The following TMTC1 variants were observed in gnomAD, a reference collection of about 807,000 sequenced individuals.
TMTC1 encodes the protein protein O-mannosyl-transferase TMTC1.
TMTC1 carries 73 observed loss-of-function variants against 104.8 expected under a neutral mutation model. That is an observed-to-expected ratio of 0.70 (90% CI 0.58 to 0.85). The LOEUF is 0.85. TMTC1 is among the 40% of genes least tolerant of loss of function. The probability of loss-of-function intolerance (pLI) is 0.00; values close to 1 mark genes in which losing one functional copy is unlikely to be tolerated. For missense variants in TMTC1, 1,035 were observed against 1,096.1 expected (o/e 0.94, Z 0.79); for synonymous variants, 434 against 428.7 (o/e 1.01, Z -0.15).
intron 5 of TMTC1, among the ~76,000 whole-genome samples, chr12:29,663,698 G>GTTTTTTTTTTTTTT (rs1555184031): frequency 8.5e-6 from 1 of 118,020 alleles, no homozygotes; most frequent in African/African-American, 3.2e-5. Context: ...TGTACTTTTA[G>GTTTTTTTTTTTTTT]TAGAGACAGG....
At chr12:29,770,093 C>T (rs1159573389) in intron 1 of TMTC1, among the ~76,000 whole-genome samples, 1 of 151,330 alleles carries the variant, frequency 6.6e-6, no homozygotes, top group African/African-American at 2.4e-5. Flanking sequence ...CCCATGGATC[C>T]TAAAATTTAG....
chr12:29,601,673 C>T (rs1434185949), intron 7 of TMTC1, among the ~76,000 whole-genome samples: 1 of 152,096 alleles, frequency 6.6e-6, no homozygotes, highest in Non-Finnish European at 1.5e-5. Context: ...CCAGCTATAC[C>T]GCTTGGGGCA....
At chr12:29,643,534 TAATATA>T (rs1565732865) in intron 5 of TMTC1, among the ~76,000 whole-genome samples, 32 of 87,990 alleles carry the variant, frequency 3.6e-4, no homozygotes, top group Non-Finnish European at 5.3e-4. Flanking sequence ...ATAAAATATA[TAATATA>T]TATCACATAT....
intron 5 of TMTC1, among the ~76,000 whole-genome samples, chr12:29,702,782 T>G (rs1299622506): frequency 6.6e-6 from 1 of 151,218 alleles, no homozygotes; most frequent in African/African-American, 2.4e-5. Context: ...GATTGGTTCA[T>G]TGACATAAGA....
At chr12:29,572,732 C>G (rs930132716) in intron 8 of TMTC1, among the ~76,000 whole-genome samples, 1 of 152,212 alleles carries the variant, frequency 6.6e-6, no homozygotes, top group Non-Finnish European at 1.5e-5. Flanking sequence ...AGGCTAATTA[C>G]AAACGCTTTT....
chr12:29,598,310 C>T (rs1946467004), intron 7 of TMTC1, among the ~76,000 whole-genome samples: 1 of 152,222 alleles, frequency 6.6e-6, no homozygotes, highest in African/African-American at 2.4e-5. Context: ...GTAACAGAGG[C>T]TGTGTAACTT....
At chr12:29,707,510 C>A (rs1347230413) in intron 5 of TMTC1, among the ~76,000 whole-genome samples, 1 of 152,112 alleles carries the variant, frequency 6.6e-6, no homozygotes, top group Non-Finnish European at 1.5e-5. Flanking sequence ...GTTACAATGA[C>A]CCTCAGCACC....
intron 5 of TMTC1, among the ~76,000 whole-genome samples, chr12:29,695,793 T>TTA (rs113135039): frequency 0.04 from 3,322 of 83,440 alleles, 132 homozygotes; most frequent in Non-Finnish European, 0.059. Flanking sequence ...TACTTCCTTT[T>TTA]TATATATATA....
chr12:29,777,149 C>A (rs963053430), intron 1 of TMTC1, among the ~76,000 whole-genome samples: 1 of 151,906 alleles, frequency 6.6e-6, no homozygotes, highest in Admixed American at 6.6e-5. Context: ...GGCTGGAGTG[C>A]GGTGGTGCAA....
In TMTC1 at chr12:29,506,824, G is replaced by A. The variant is rs1943703833; in HGVS notation, c.*22C>T. The A allele has an allele frequency of 1.2e-6, 2 of 1,613,720 alleles. No individual in the cohort carries two copies. Among genetic ancestry groups the A allele is most frequent in the South Asian group, 1.1e-5 (1 of 91,062 alleles). On this transcript the variant is annotated 3_prime_UTR_variant, in exon 18 of 18. Transcript: ENST00000539277. ...TTTCAGAGGCACCACATTATCCTAT[G>A]AGGTTGGGTCAGACGGTGGTGCTAT...
intron 2 of TMTC1, among the ~76,000 whole-genome samples, chr12:29,759,356 G>C (rs867226188): frequency 6.6e-6 from 1 of 152,142 alleles, no homozygotes; most frequent in East Asian, 1.9e-4. Flanking sequence ...AATTAGCCAC[G>C]CATGGTGGCA....
At chr12:29,589,028 C>T (rs1315658639) in intron 7 of TMTC1, among the ~76,000 whole-genome samples, 2 of 151,280 alleles carry the variant, frequency 1.3e-5, no homozygotes, top group Non-Finnish European at 2.9e-5. Context: ...CCTTCTGTTC[C>T]TAAGCAGTTA....
intron 5 of TMTC1, among the ~76,000 whole-genome samples, chr12:29,673,624 T>C (rs1205107214): frequency 1.3e-5 from 2 of 151,566 alleles, no homozygotes; most frequent in Non-Finnish European, 2.9e-5. Flanking sequence ...TTTAATTATA[T>C]TTATTTATAT....
At chr12:29,751,946 C>T in intron 4 of TMTC1, 74 bp from the exon 5 acceptor site, 1 of 1,360,448 alleles carries the variant, frequency 7.4e-7, no homozygotes, top group Non-Finnish European at 9.8e-7. Flanking sequence ...TAGCAGTAAA[C>T]TGCCCCACCC....
At chr12:29,664,154 T>C (rs1330801806) in intron 5 of TMTC1, among the ~76,000 whole-genome samples, 1 of 149,052 alleles carries the variant, frequency 6.7e-6, no homozygotes, top group African/African-American at 2.5e-5. Context: ...GCCACTGCAC[T>C]CCAGCCTGGG....
Position 29,783,345 on chromosome 12 carries a change from G to T in TMTC1, c.302+105C>A. ...GAGGGAGGCGTGGAGGGAAAGGGCGGCAAAAATGAAATGCCCCCAAGTCAG... is the reference window on the plus strand; with the variant it reads ...GAGGGAGGCGTGGAGGGAAAGGGCGTCAAAAATGAAATGCCCCCAAGTCAG... On this transcript the variant is annotated intron_variant, in intron 1 of 17. Coordinates refer to ENST00000539277, the MANE Select transcript of TMTC1 (RefSeq NM_001193451.2). This position sits in a 1 kb window ranked among gnomAD's most constrained non-coding sequence, Gnocchi z 4.7. 1 of 1,066,494 alleles carries T rather than the reference G, an allele frequency of 9.4e-7. No individual in the cohort carries two copies. The highest frequency in any genetic ancestry group is 1.2e-6 in the Non-Finnish European group (1 of 832,074). 66.1% of individuals were successfully genotyped at this position (1,066,494 alleles called of 1,614,324 possible).
chr12:29,557,023 C>T, intron 9 of TMTC1, 23 bp from the exon 10 acceptor site: 1 of 1,611,676 alleles, frequency 6.2e-7, no homozygotes, highest in Non-Finnish European at 8.5e-7. Context: ...AAATATTAAG[C>T]TGTGATGGTT....
intron 5 of TMTC1, among the ~76,000 whole-genome samples, chr12:29,679,855 A>G (rs1490819548): frequency 2.0e-5 from 3 of 152,268 alleles, no homozygotes; most frequent in Admixed American, 6.5e-5. Flanking sequence ...AGCAGTGTTT[A>G]CATTATTATG....
rs1300163573 is a variant in TMTC1, at chr12:29,710,581, ATATT to A, written c.938+41081_938+41084del. On this transcript the variant is annotated intron_variant, in intron 5 of 17. Coordinates refer to ENST00000539277, the MANE Select transcript of TMTC1 (RefSeq NM_001193451.2). ...ATAAAATATTGTATATAATGTATAT[ATATT>A]TATATTTATTATACTTATAATTTTT... Among the ~76,000 whole-genome samples the A allele has an allele frequency of 1.9e-3, 277 of 144,152 alleles. 1 individual carries two copies. The highest frequency in any genetic ancestry group is 6.9e-3 in the African/African-American group (274 of 39,672). The allele number at this position is 144,152 out of a possible 152,430, so 94.6% of individuals were successfully genotyped here.
Sources: allele counts gnomAD v4.1 joint callset (sites outside exome capture counted in the v4.1 genomes callset), GRCh38; gene constraint gnomAD v4.1.1; non-coding constraint Gnocchi (gnomAD v3.1); transcripts MANE v1.5; gene names NCBI Gene and HGNC (gene_info 2026-07-23, HGNC 2026-07-21).